Variants in NF1 observed in about 807,000 individuals in gnomAD.
NF1 encodes neurofibromin.
A neutral mutation model predicts 325.7 loss-of-function variants in NF1; 122 were observed. That is an observed-to-expected ratio of 0.37 (90% CI 0.32 to 0.44). The LOEUF is 0.44. NF1 is among the 20% of genes least tolerant of loss of function. The pLI is 1.00. For synonymous variants in NF1, 1,091 were observed against 1,186.0 expected (o/e 0.92, Z 1.65); for missense variants, 2,140 against 3,415.4 (o/e 0.63, Z 9.31).
At chr17:31,338,662 A>G in intron 45 of NF1, 42 bp from the exon 46 acceptor site, 3 of 1,262,482 alleles carry the variant, frequency 2.4e-6, no homozygotes, top group Non-Finnish European at 3.5e-6. Context: ...TTAATGTTTT[A>G]TTTCAATGAA....
At chr17:31,323,116 G>C (rs547464428) in intron 36 of NF1, among the ~76,000 whole-genome samples, 43 of 152,244 alleles carry the variant, frequency 2.8e-4, no homozygotes, top group South Asian at 1.5e-3. Flanking sequence ...AATTATAAAA[G>C]CAGGACATGG....
chr17:31,352,401 TAAG>T lies in NF1; in HGVS notation c.7606_7608del (p.Lys2536del). The T allele has an allele frequency of 6.2e-7, 1 of 1,611,890 alleles. No homozygotes were observed. Among genetic ancestry groups the T allele is most frequent in the African/African-American group, 1.3e-5 (1 of 74,990 alleles). On this transcript the variant is annotated inframe_deletion, in exon 51 of 58. Transcript: ENST00000358273. ...TGGGGCAACCTTCTCAGGCCAACAC[TAAG>T]AAGTTGCTTGGTTAGTTTATCTAAA... is the stretch of plus-strand genomic sequence containing the variant.
rs762436173 is a variant in NF1, at chr17:31,326,129, G to A, written c.5145G>A (p.Leu1715=). ...TTTTCATAGACTGTCCTGGGAAACT[G>A]GCTGAGCACATAGAGCATGAACAAC... ...RLVFIDCPGK[L]AEHIEHEQQK... The change falls in exon 37 of 58, where the codon CTG becomes CTA. Residue 1715 remains leucine (L), a synonymous_variant. Coordinates refer to ENST00000358273, the MANE Select transcript of NF1 (RefSeq NM_001042492.3). The A allele has an allele frequency of 1.2e-6, 2 of 1,612,806 alleles. No individual in the cohort carries two copies. The highest frequency in any genetic ancestry group is 3.3e-5 in the Admixed American group (2 of 59,856).
At chr17:31,227,642 A>G in intron 20 of NF1, 36 bp downstream of exon 20, 1 of 1,525,336 alleles carries the variant, frequency 6.6e-7, no homozygotes. Context: ...CTGTTAACTG[A>G]TCTGCTAAAT....
intron 37 of NF1, among the ~76,000 whole-genome samples, chr17:31,326,904 C>T (rs1280543376): frequency 6.6e-6 from 1 of 151,944 alleles, no homozygotes; most frequent in Non-Finnish European, 1.5e-5. Context: ...AAAATCAGTA[C>T]TTTTCTATAA....
chr17:31,250,856 T>C (rs945333135), intron 30 of NF1: 1 of 186,398 alleles, frequency 5.4e-6, no homozygotes, highest in Non-Finnish European at 1.1e-5. Flanking sequence ...AAATATCCTA[T>C]ATTATTTTAA....
chr17:31,342,334 A>G (rs182866450), intron 47 of NF1, among the ~76,000 whole-genome samples: 60 of 152,232 alleles, frequency 3.9e-4, no homozygotes, highest in Admixed American at 3.4e-3. Context: ...GCAATGGCGC[A>G]TGTTTGTAAT....
chr17:31,174,911 C>T lies in NF1; in HGVS notation c.586+4914C>T, dbSNP rs8077160. On this transcript the variant is annotated intron_variant, in intron 5 of 57. Transcript: ENST00000358273. ...GGATCATGAGGTCAGGAGTTCGAGA[C>T]CAGCCTGACGAACATGGTGAAACCC... Among the ~76,000 whole-genome samples, 312 of 152,008 alleles carry T rather than the reference C, an allele frequency of 2.1e-3. 2 individuals are homozygous for T. The highest frequency in any genetic ancestry group is 7.4e-3 in the African/African-American group (305 of 41,482).
At chr17:31,309,699 G>A (rs781445754) in intron 36 of NF1, among the ~76,000 whole-genome samples, 1 of 152,096 alleles carries the variant, frequency 6.6e-6, no homozygotes, top group African/African-American at 2.4e-5. Flanking sequence ...GCTGAAAAAG[G>A]CATTAGAGAA....
intron 46 of NF1, among the ~76,000 whole-genome samples, chr17:31,339,025 CTCA>C (rs2069754324): frequency 6.6e-6 from 1 of 152,102 alleles, no homozygotes; most frequent in Non-Finnish European, 1.5e-5. Context: ...AGTTTTTGGT[CTCA>C]TCAGTGCTAA....
At chr17:31,197,874 G>A (rs1016728029) in intron 8 of NF1, among the ~76,000 whole-genome samples, 1 of 152,158 alleles carries the variant, frequency 6.6e-6, no homozygotes, top group Non-Finnish European at 1.5e-5. Flanking sequence ...TCCTCATCCT[G>A]TTCCTGATCT....
At chr17:31,154,473 T>C (rs1222754867) in intron 1 of NF1, among the ~76,000 whole-genome samples, 1 of 152,136 alleles carries the variant, frequency 6.6e-6, no homozygotes, top group Non-Finnish European at 1.5e-5. Flanking sequence ...GAGATGTTTC[T>C]AAGGGAAATA....
intron 1 of NF1, among the ~76,000 whole-genome samples, chr17:31,133,941 G>A (rs1366824883): frequency 6.6e-6 from 1 of 152,222 alleles, no homozygotes; most frequent in Non-Finnish European, 1.5e-5. Context: ...ACAGGCATGA[G>A]CCACTGCGTC....
intron 1 of NF1, among the ~76,000 whole-genome samples, chr17:31,135,145 A>C (rs1915670042): frequency 6.6e-6 from 1 of 152,196 alleles, no homozygotes; most frequent in Non-Finnish European, 1.5e-5. Flanking sequence ...TGTCTGCTAG[A>C]TCTTACTACT....
intron 1 of NF1, among the ~76,000 whole-genome samples, chr17:31,113,777 T>A (rs1409396857): frequency 6.6e-6 from 1 of 152,204 alleles, no homozygotes; most frequent in Non-Finnish European, 1.5e-5. Flanking sequence ...TGCCTCGGCC[T>A]CCCAAAGTGT....
Position 31,253,079 on chromosome 17 carries a change from C to T in NF1, c.4173+79C>T. The T allele has an allele frequency of 4.5e-6, 5 of 1,122,486 alleles. No homozygotes were observed. The South Asian group carries it at 6.5e-5, about 15-fold the overall frequency. The allele number at this position is 1,122,486 out of a possible 1,614,324, so 69.5% of individuals were successfully genotyped here. A position where few individuals can be genotyped will look rare whatever the true frequency, so the allele number is the denominator to read the frequency against. On this transcript the variant is annotated intron_variant, in intron 31 of 57. Transcript: ENST00000358273. ...TTTTGCTGTTTGTTAAGAATATCTT[C>T]ACTTCAGCCTATTTGACCTTCACTG... is the stretch of plus-strand genomic sequence containing the variant.
At chr17:31,236,451 A>G (rs2067205299) in intron 29 of NF1, among the ~76,000 whole-genome samples, 1 of 151,898 alleles carries the variant, frequency 6.6e-6, no homozygotes, top group Admixed American at 6.6e-5. Context: ...CATTTTTTTA[A>G]AAATTTGAGA....
intron 15 of NF1, among the ~76,000 whole-genome samples, chr17:31,222,943 T>C (rs1213532521): frequency 6.6e-6 from 1 of 152,218 alleles, no homozygotes; most frequent in Non-Finnish European, 1.5e-5. Flanking sequence ...GTGGGTCATA[T>C]AGTTTCTGTC....
chr17:31,203,721 G>T (rs908501526), intron 11 of NF1, among the ~76,000 whole-genome samples: 2 of 151,832 alleles, frequency 1.3e-5, no homozygotes, highest in Admixed American at 1.3e-4. Flanking sequence ...AATGATTCTT[G>T]GTTCAATGTA....
Sources: allele counts gnomAD v4.1 joint callset (sites outside exome capture counted in the v4.1 genomes callset), GRCh38; gene constraint gnomAD v4.1.1; transcripts MANE v1.5; gene names NCBI Gene and HGNC (gene_info 2026-07-23, HGNC 2026-07-21).